LYPLAL1: variants seen among roughly 807,000 people sequenced by gnomAD.
LYPLAL1 encodes the protein lysophospholipase like 1, also known as lysophospholipase-like protein 1.
In LYPLAL1, 23 loss-of-function variants were observed where a neutral mutation model predicts 19.7. The ratio of observed to expected loss-of-function variants is 1.17; its 90% CI spans 0.84 to 1.65. The LOEUF (loss-of-function observed/expected upper bound fraction) is 1.65, where lower values mean the gene tolerates loss of function less well. LYPLAL1 is among the 40% of genes most tolerant of loss of function. LYPLAL1 has a pLI of 0.00. For synonymous variants in LYPLAL1, 119 were observed against 96.3 expected (o/e 1.24, Z -1.38); for missense variants, 355 against 279.4 (o/e 1.27, Z -1.93).
At chr1:219,280,445 A>G in the LYPLAL1 span, among the ~76,000 whole-genome samples, 1 of 152,076 alleles carries the variant, frequency 6.6e-6, no homozygotes, top group African/African-American at 2.4e-5. Flanking sequence ...TATTCCCCCC[A>G]TCACGCTATA....
chr1:219,267,648 A>G, the LYPLAL1 span, among the ~76,000 whole-genome samples: 1 of 152,206 alleles, frequency 6.6e-6, no homozygotes. Flanking sequence ...TCATTCAGTT[A>G]TTCATTCACT....
the LYPLAL1 span, among the ~76,000 whole-genome samples, chr1:219,389,051 G>A: frequency 6.6e-6 from 1 of 152,028 alleles, no homozygotes; most frequent in Non-Finnish European, 1.5e-5. Flanking sequence ...ATTTAAGTAG[G>A]CCATAAATCT....
chr1:219,214,539 G>A (rs1659218468), downstream of LYPLAL1, among the ~76,000 whole-genome samples: 1 of 151,842 alleles, frequency 6.6e-6, no homozygotes, highest in Non-Finnish European at 1.5e-5. Context: ...TCTTCTTACA[G>A]CAATATTATG....
chr1:219,193,059 G>GGC, intron 2 of LYPLAL1, 23 bp from the exon 3 acceptor site: 1 of 1,328,358 alleles, frequency 7.5e-7, no homozygotes, highest in African/African-American at 3.3e-5. Flanking sequence ...CTTTTTTTTT[G>GGC]GGGGGGGGCG....
the LYPLAL1 span, among the ~76,000 whole-genome samples, chr1:219,407,845 G>A: frequency 1.3e-5 from 2 of 152,098 alleles, no homozygotes; most frequent in African/African-American, 4.8e-5. Context: ...TCAGTTTCTG[G>A]GGAGGAGCCA....
At chr1:219,400,077 T>C in the LYPLAL1 span, among the ~76,000 whole-genome samples, 1 of 152,108 alleles carries the variant, frequency 6.6e-6, no homozygotes, top group Non-Finnish European at 1.5e-5. Context: ...CACTCACCTA[T>C]TTCCCCAGAG....
At chr1:219,304,441 G>C in the LYPLAL1 span, among the ~76,000 whole-genome samples, 1 of 152,170 alleles carries the variant, frequency 6.6e-6, no homozygotes, top group Admixed American at 6.5e-5. Context: ...GCATTCATTT[G>C]AATGTGTAAG....
the LYPLAL1 span, among the ~76,000 whole-genome samples, chr1:219,289,603 G>A: frequency 6.6e-6 from 1 of 152,102 alleles, no homozygotes; most frequent in Non-Finnish European, 1.5e-5. Flanking sequence ...AAGAAGTATG[G>A]TTTTCAGTGA....
At chr1:219,269,758 A>G in the LYPLAL1 span, among the ~76,000 whole-genome samples, 1 of 152,236 alleles carries the variant, frequency 6.6e-6, no homozygotes, top group African/African-American at 2.4e-5. Context: ...CATGTTGGCT[A>G]TAAATATATC....
chr1:219,406,611 T>G, the LYPLAL1 span, among the ~76,000 whole-genome samples: 7 of 152,218 alleles, frequency 4.6e-5, no homozygotes, highest in Non-Finnish European at 1.0e-4. Context: ...TCACAAGATG[T>G]GAAGAAGAAG....
At chr1:219,259,429 A>G in the LYPLAL1 span, among the ~76,000 whole-genome samples, 3 of 132,524 alleles carry the variant, frequency 2.3e-5, no homozygotes, top group Non-Finnish European at 4.8e-5. Flanking sequence ...ATATATATAT[A>G]TGTATATATA....
the LYPLAL1 span, chr1:219,223,002 AC>A: frequency 3.3e-5 from 5 of 152,164 alleles, no homozygotes; most frequent in South Asian, 1.0e-3. Flanking sequence ...AAAAGGCTTC[AC>A]CTCTTAATAC....
the LYPLAL1 span, among the ~76,000 whole-genome samples, chr1:219,438,778 T>C: frequency 6.6e-6 from 1 of 152,232 alleles, no homozygotes; most frequent in Non-Finnish European, 1.5e-5. Flanking sequence ...TCCACATCAC[T>C]AAATAATTCA....
chr1:219,329,770 G>A, the LYPLAL1 span, among the ~76,000 whole-genome samples: 11 of 152,142 alleles, frequency 7.2e-5, no homozygotes, highest in East Asian at 5.8e-4. Context: ...TCTTTCTCTC[G>A]GTCAGCTATG....
At chr1:219,252,429 G>C in the LYPLAL1 span, among the ~76,000 whole-genome samples, 1 of 152,026 alleles carries the variant, frequency 6.6e-6, no homozygotes, top group Non-Finnish European at 1.5e-5. Flanking sequence ...GTCATAGATG[G>C]CTCTTATTAT....
Position 219,212,804 on chromosome 1 carries a change from A to G in LYPLAL1, c.*1076A>G, listed in dbSNP as rs1659145054. The stretch of plus-strand genomic sequence containing the variant: ...ATTTGTTTACACATTCACCACTGAT[A>G]TATAAGTTGCTTCCAGTGTGAGGCT... On this transcript the variant is annotated 3_prime_UTR_variant, in exon 5 of 5. Coordinates refer to ENST00000366928, the MANE Select transcript of LYPLAL1 (RefSeq NM_138794.5). 6.6e-6 allele frequency: 1 copy of G among 152,040 alleles called. No individual in the cohort carries two copies. Among genetic ancestry groups the G allele is most frequent in the Non-Finnish European group, 1.5e-5 (1 of 67,930 alleles). The allele number at this position is 152,040 out of a possible 1,614,324, so 9.4% of individuals were successfully genotyped here. A position where few individuals can be genotyped will look rare whatever the true frequency, so the allele number is the denominator to read the frequency against.
the LYPLAL1 span, among the ~76,000 whole-genome samples, chr1:219,226,930 C>G: frequency 2.0e-4 from 31 of 152,178 alleles, no homozygotes; most frequent in South Asian, 3.7e-3. Flanking sequence ...CTTGCAAAAC[C>G]AATTCAATAT....
chr1:219,315,948 A>G, the LYPLAL1 span, among the ~76,000 whole-genome samples: 3 of 152,184 alleles, frequency 2.0e-5, 1 homozygote, highest in Non-Finnish European at 4.4e-5. Flanking sequence ...ACTTCTCATT[A>G]TAATTAAATG....
chr1:219,305,597 C>T, the LYPLAL1 span, among the ~76,000 whole-genome samples: 1,795 of 152,166 alleles, frequency 0.012, 32 homozygotes, highest in African/African-American at 0.041. Flanking sequence ...AACTGATGCA[C>T]GCAACTTGAT....
Sources: gnomAD v4.1 joint callset for allele counts (sites outside exome capture counted in the v4.1 genomes callset) on GRCh38, gnomAD v4.1.1 for gene constraint, MANE v1.5 for transcripts, NCBI Gene and HGNC (gene_info 2026-07-23, HGNC 2026-07-21) for gene names.